PRKG1: variants seen among roughly 807,000 people sequenced by gnomAD.
PRKG1 encodes protein kinase cGMP-dependent 1.
A neutral mutation model predicts 88.1 loss-of-function variants in PRKG1; 35 were observed. That is an observed-to-expected ratio of 0.40 (90% CI 0.30 to 0.53). The LOEUF (loss-of-function observed/expected upper bound fraction) is 0.53, where lower values mean the gene tolerates loss of function less well. Among genes scored for constraint, PRKG1 ranks in the 20% least tolerant of loss-of-function variants. PRKG1 has a pLI of 0.59. For missense variants in PRKG1, 540 were observed against 839.8 expected (o/e 0.64, Z 4.41); for synonymous variants, 303 against 292.5 (o/e 1.04, Z -0.37).
Position 51,311,073 on chromosome 10 carries a change from T to C in PRKG1, c.479-156650T>C, listed in dbSNP as rs190593546. On this transcript the variant is annotated intron_variant, in intron 2 of 17. Coordinates refer to ENST00000373980, the MANE Select transcript of PRKG1 (RefSeq NM_006258.4). ...TCACTATGGGTGCAGAAAAAGGGAA[T>C]GAGGAGTGTGTACAGCACTTTTCAC... 3.0e-3 allele frequency among the ~76,000 whole-genome samples: 459 copies of C among 152,248 alleles called. 2 individuals are homozygous for C. The highest frequency in any genetic ancestry group is 0.01 in the African/African-American group (431 of 41,552).
intron 5 of PRKG1, among the ~76,000 whole-genome samples, chr10:51,958,550 T>TC (rs55725719): frequency 0.092 from 13,829 of 149,806 alleles, 688 homozygotes; most frequent in Admixed American, 0.12. Context: ...TTGTTCCTTT[T>TC]TTTTTTTTTT....
At chr10:51,352,635 T>G (rs1842275421) in intron 2 of PRKG1, among the ~76,000 whole-genome samples, 1 of 152,074 alleles carries the variant, frequency 6.6e-6, no homozygotes, top group Admixed American at 6.6e-5. Flanking sequence ...TGTTCCTGAT[T>G]TGGAGGAATA....
intron 14 of PRKG1, among the ~76,000 whole-genome samples, chr10:52,285,266 A>G (rs1842092224): frequency 6.6e-6 from 1 of 152,110 alleles, no homozygotes; most frequent in African/African-American, 2.4e-5. Flanking sequence ...GTCACATGGC[A>G]TTCCTCTAGT....
chr10:51,153,085 C>G, intron 1 of PRKG1, 79 bp from the exon 2 acceptor site: 1 of 1,289,790 alleles, frequency 7.8e-7, no homozygotes, highest in South Asian at 1.5e-5. Context: ...TGCCAGAGCA[C>G]TCTATGGCGC....
Position 51,346,341 on chromosome 10 carries a change from C to T in PRKG1, c.479-121382C>T, listed in dbSNP as rs570079175. Among the ~76,000 whole-genome samples, 13 of 152,226 alleles carry T rather than the reference C, an allele frequency of 8.5e-5. 1 individual carries two copies. Among genetic ancestry groups the T allele is most frequent in the African/African-American group, 2.2e-4 (9 of 41,526 alleles). ...CGGCTGGGTTTTATTTGAAGATAAA[C>T]GTAAGCATGTCTTTTAGGATGAAAA... On this transcript the variant is annotated intron_variant, in intron 2 of 17. Coordinates refer to ENST00000373980, the MANE Select transcript of PRKG1 (RefSeq NM_006258.4).
intron 4 of PRKG1, among the ~76,000 whole-genome samples, chr10:51,882,125 CT>C: frequency 6.6e-6 from 1 of 152,282 alleles, no homozygotes; most frequent in East Asian, 1.9e-4. Context: ...TAATCCACTC[CT>C]TGATACAGTT....
At chr10:51,380,756 G>C (rs557118796) in intron 2 of PRKG1, among the ~76,000 whole-genome samples, 1 of 152,268 alleles carries the variant, frequency 6.6e-6, no homozygotes, top group South Asian at 2.1e-4. Flanking sequence ...TAAAAGGGAA[G>C]AAAGTTTTGT....
chr10:52,014,947 T>C (rs1011788829), intron 5 of PRKG1, among the ~76,000 whole-genome samples: 10 of 152,258 alleles, frequency 6.6e-5, no homozygotes, highest in Non-Finnish European at 1.3e-4. Flanking sequence ...TCTGTGGCTC[T>C]TCAGGGTACA....
intron 4 of PRKG1, among the ~76,000 whole-genome samples, chr10:51,866,114 GT>G (rs1180183733): frequency 2.0e-5 from 3 of 151,750 alleles, no homozygotes; most frequent in Non-Finnish European, 1.5e-5. Context: ...CTGATATGTT[GT>G]ATTCATATGA....
At chr10:51,394,372 G>A (rs1303997926) in intron 2 of PRKG1, among the ~76,000 whole-genome samples, 1 of 152,198 alleles carries the variant, frequency 6.6e-6, no homozygotes, top group Non-Finnish European at 1.5e-5. Context: ...GTGGCAACTG[G>A]GTTCCAAGAA....
chr10:51,685,535 C>T (rs1229188801), intron 3 of PRKG1, among the ~76,000 whole-genome samples: 1 of 152,128 alleles, frequency 6.6e-6, no homozygotes, highest in East Asian at 1.9e-4. Flanking sequence ...TCTGAAATTG[C>T]ACTATTATAG....
At chr10:51,351,108 A>G (rs561427898) in intron 2 of PRKG1, among the ~76,000 whole-genome samples, 2 of 152,304 alleles carry the variant, frequency 1.3e-5, no homozygotes, top group East Asian at 3.9e-4. Context: ...TTATGGCTGC[A>G]TAGTATTCCA....
intron 5 of PRKG1, among the ~76,000 whole-genome samples, chr10:51,948,990 A>G (rs1028431317): frequency 6.6e-6 from 1 of 152,194 alleles, no homozygotes; most frequent in African/African-American, 2.4e-5. Flanking sequence ...GACTTGCACC[A>G]TAACAAAAAA....
chr10:51,957,203 C>A (rs1398010889), intron 5 of PRKG1, among the ~76,000 whole-genome samples: 1 of 145,410 alleles, frequency 6.9e-6, no homozygotes, highest in Non-Finnish European at 1.5e-5. Flanking sequence ...CCTTTCCTCC[C>A]TCCCTACCTC....
chr10:51,344,926 G>A (rs1842080654), intron 2 of PRKG1, among the ~76,000 whole-genome samples: 1 of 152,072 alleles, frequency 6.6e-6, no homozygotes, highest in Admixed American at 6.5e-5. Context: ...GGAACACTGG[G>A]ATTTCTTCAG....
intron 1 of PRKG1, among the ~76,000 whole-genome samples, chr10:51,007,950 T>C (rs569648158): frequency 6.6e-6 from 1 of 152,344 alleles, no homozygotes; most frequent in South Asian, 2.1e-4. Flanking sequence ...AATTGTTCCA[T>C]GTGCTCTGTA....
At chr10:51,274,117 A>T (rs1343491412) in intron 2 of PRKG1, among the ~76,000 whole-genome samples, 1 of 152,216 alleles carries the variant, frequency 6.6e-6, no homozygotes, top group Admixed American at 6.5e-5. Context: ...GTGAATATTT[A>T]TGACACCTTC....
chr10:52,254,286 A>G (rs754073796), intron 10 of PRKG1, among the ~76,000 whole-genome samples: 1 of 152,020 alleles, frequency 6.6e-6, no homozygotes, highest in Non-Finnish European at 1.5e-5. Context: ...CATGCAAGAT[A>G]ATCTTGTCAA....
intron 1 of PRKG1, among the ~76,000 whole-genome samples, chr10:50,994,216 C>T (rs1041974609): frequency 1.3e-5 from 2 of 151,980 alleles, no homozygotes; most frequent in Admixed American, 6.6e-5. Context: ...CTTCTTGGCA[C>T]TTAAAGAGAC....
Sources: allele counts gnomAD v4.1 joint callset (sites outside exome capture counted in the v4.1 genomes callset), GRCh38; gene constraint gnomAD v4.1.1; transcripts MANE v1.5; gene names NCBI Gene and HGNC (gene_info 2026-07-23, HGNC 2026-07-21).